Variants in C8A observed in about 807,000 individuals in gnomAD.
The protein encoded by C8A is complement component C8 alpha chain.
A neutral mutation model predicts 65.3 loss-of-function variants in C8A; 67 were observed. The ratio of observed to expected loss-of-function variants is 1.03; its 90% CI spans 0.84 to 1.26. The LOEUF is 1.26. Ranked by LOEUF, C8A falls within the 50% of genes most tolerant of loss-of-function variation. C8A has a pLI of 0.00. For synonymous variants in C8A, 290 were observed against 259.4 expected (o/e 1.12, Z -1.13); for missense variants, 781 against 723.9 (o/e 1.08, Z -0.90).
intron 2 of C8A, among the ~76,000 whole-genome samples, chr1:56,871,218 G>A (rs531817597): frequency 6.6e-6 from 1 of 152,326 alleles, no homozygotes; most frequent in East Asian, 1.9e-4. Context: ...ACAGCCAACT[G>A]TAAATGACAG....
chr1:56,872,362 T>C lies in C8A; in HGVS notation c.172-2587T>C, dbSNP rs991098967. Reference sequence around the variant, plus strand: ...TTCTCATTATGACATTGACTGGATATCTACTCAGTGCTGGCCATGTTAAAA... The same window carrying C: ...TTCTCATTATGACATTGACTGGATACCTACTCAGTGCTGGCCATGTTAAAA... On this transcript the variant is annotated intron_variant, in intron 2 of 10. Coordinates refer to ENST00000361249, the MANE Select transcript of C8A (RefSeq NM_000562.3). Among the ~76,000 whole-genome samples, 3 of 152,182 alleles carry C rather than the reference T, an allele frequency of 2.0e-5. No homozygotes were observed. In the South Asian group the frequency reaches 6.2e-4, roughly 32 times the overall value.
intron 1 of C8A, among the ~76,000 whole-genome samples, chr1:56,864,717 G>T (rs1644067972): frequency 1.3e-5 from 2 of 152,156 alleles, no homozygotes; most frequent in Non-Finnish European, 2.9e-5. Flanking sequence ...AATATTGTGA[G>T]CTGGGCAATG....
chr1:56,862,287 C>T (rs867996669), intron 1 of C8A, among the ~76,000 whole-genome samples: 52 of 152,306 alleles, frequency 3.4e-4, no homozygotes, highest in African/African-American at 1.1e-3. Flanking sequence ...GATTCAAATG[C>T]ATATTTGCTG....
At chr1:56,917,532 A>C (rs1325123824) in intron 10 of C8A, 33 bp from the exon 11 acceptor site, 6 of 1,613,394 alleles carry the variant, frequency 3.7e-6, no homozygotes, top group South Asian at 3.3e-5. Flanking sequence ...GCCATATGCT[A>C]ACCTTCTCCT....
intron 4 of C8A, among the ~76,000 whole-genome samples, chr1:56,879,809 A>G (rs1044003052): frequency 1.3e-5 from 2 of 152,200 alleles, no homozygotes; most frequent in African/African-American, 4.8e-5. Flanking sequence ...GTTAACATAC[A>G]TTGAATTTCT....
At chr1:56,886,257 G>T in intron 7 of C8A, 90 bp downstream of exon 7, 1 of 1,495,572 alleles carries the variant, frequency 6.7e-7, no homozygotes, top group Non-Finnish European at 9.2e-7. Context: ...TATGAGCCAT[G>T]GGTGATCTCA....
intron 1 of C8A, among the ~76,000 whole-genome samples, chr1:56,857,218 T>G (rs1167332595): frequency 1.3e-5 from 2 of 152,006 alleles, no homozygotes; most frequent in Non-Finnish European, 2.9e-5. Context: ...AAAAGAATGT[T>G]GCAATCTCCA....
At chr1:56,902,712 A>G (rs1422493710) in intron 7 of C8A, among the ~76,000 whole-genome samples, 2 of 152,106 alleles carry the variant, frequency 1.3e-5, no homozygotes, top group Non-Finnish European at 2.9e-5. Context: ...CTGACTATTC[A>G]TATATCTAAT....
intron 1 of C8A, among the ~76,000 whole-genome samples, chr1:56,859,935 T>C (rs1423998649): frequency 6.6e-6 from 1 of 152,118 alleles, no homozygotes; most frequent in African/African-American, 2.4e-5. Flanking sequence ...TGGTGGCACA[T>C]GCCTGTAGTC....
intron 4 of C8A, among the ~76,000 whole-genome samples, chr1:56,876,766 C>T (rs911262004): frequency 5.3e-5 from 8 of 151,930 alleles, no homozygotes; most frequent in African/African-American, 1.9e-4. Flanking sequence ...TCTAACTTCT[C>T]TTCATTCACC....
intron 5 of C8A, among the ~76,000 whole-genome samples, chr1:56,882,266 A>C (rs706476): frequency 0.67 from 102,085 of 152,006 alleles, 35,596 homozygotes; most frequent in East Asian, 0.89. Flanking sequence ...TTTTCTTACC[A>C]CTCATCCTTT....
At chr1:56,865,806 G>T (rs1347787041) in intron 1 of C8A, among the ~76,000 whole-genome samples, 1 of 152,122 alleles carries the variant, frequency 6.6e-6, no homozygotes, top group Non-Finnish European at 1.5e-5. Flanking sequence ...AACTTGACGA[G>T]ATCACTGGTG....
chr1:56,883,954 G>C (rs1274097890), intron 6 of C8A, among the ~76,000 whole-genome samples: 1 of 151,674 alleles, frequency 6.6e-6, no homozygotes, highest in East Asian at 1.9e-4. Flanking sequence ...AGCATATAGG[G>C]AAATGTGTAG....
rs556946722 is a variant in C8A at position 56,893,078 on chromosome 1, GA to G, written c.1096+6917del. On this transcript the variant is annotated intron_variant, in intron 7 of 10. Transcript: ENST00000361249. ...AAAGATGGCAGGCAGTGTGATAGTG[GA>G]AAAAATTATTTTCCCTGAGATATCT... Among the ~76,000 whole-genome samples, 63 of 152,066 alleles carry G rather than the reference GA, an allele frequency of 4.1e-4. 1 individual carries two copies. The East Asian group carries it at 7.0e-3, about 17-fold the overall frequency.
At chr1:56,879,421 A>G (rs1309958747) in intron 4 of C8A, among the ~76,000 whole-genome samples, 2 of 152,128 alleles carry the variant, frequency 1.3e-5, no homozygotes, top group East Asian at 1.9e-4. Context: ...GCTTTTCCAA[A>G]TATATATAGG....
intron 1 of C8A, among the ~76,000 whole-genome samples, chr1:56,865,707 G>T (rs1644079259): frequency 6.6e-6 from 1 of 152,092 alleles, no homozygotes; most frequent in African/African-American, 2.4e-5. Context: ...ATCATTTCAA[G>T]GAAAACAAAT....
intron 2 of C8A, among the ~76,000 whole-genome samples, chr1:56,868,611 C>A (rs916181313): frequency 6.6e-6 from 1 of 152,078 alleles, no homozygotes; most frequent in East Asian, 1.9e-4. Context: ...GAGCCAGACC[C>A]TGTCTCATAA....
At position 56,906,780 on chromosome 1, in the gene C8A, G is replaced by A; in HGVS notation, c.1210G>A (p.Gly404Ser). 1 of 1,614,086 alleles carries A rather than the reference G, an allele frequency of 6.2e-7. No homozygotes were observed. The highest frequency in any genetic ancestry group is 8.5e-7 in the Non-Finnish European group (1 of 1,179,976). ...AGGAGACCATTGTAAAAAATTTGGA[G>A]GTGGCAAAACTGGCAAGTGTTTAGT... ...LSGDHCKKFG[G>S]GKTERARKAM... The change falls in exon 8 of 11, where the codon GGT (glycine) becomes AGT (serine). Residue 404 changes from glycine to serine, a missense_variant. Physicochemically the swap from Gly to Ser is moderately conservative, Grantham distance 56. Coordinates refer to ENST00000361249, the MANE Select transcript of C8A (RefSeq NM_000562.3).
chr1:56,878,986 T>C (rs1225370105), intron 4 of C8A, among the ~76,000 whole-genome samples: 2 of 152,236 alleles, frequency 1.3e-5, no homozygotes, highest in African/African-American at 4.8e-5. Context: ...TTTCTATCTC[T>C]TTTTAATAAG....
Sources: gnomAD v4.1 joint callset for allele counts (sites outside exome capture counted in the v4.1 genomes callset) on GRCh38, gnomAD v4.1.1 for gene constraint, MANE v1.5 for transcripts, NCBI Gene and HGNC (gene_info 2026-07-23, HGNC 2026-07-21) for gene names.